Variants in RUNX1T1 observed in about 807,000 individuals in gnomAD.
RUNX1T1 encodes the protein RUNX1 partner transcriptional co-repressor 1, also known as protein CBFA2T1.
In RUNX1T1, 4 loss-of-function variants were observed where a neutral mutation model predicts 62.8. The ratio of observed to expected loss-of-function variants is 0.06; its 90% confidence interval spans 0.03 to 0.15. The LOEUF (loss-of-function observed/expected upper bound fraction) is 0.15, where lower values mean the gene tolerates loss of function less well. Ranked by LOEUF, RUNX1T1 falls within the 10% of genes least tolerant of loss-of-function variation. RUNX1T1 has a pLI of 1.00. For missense variants in RUNX1T1, 508 were observed against 754.3 expected (o/e 0.67, Z 3.82); for synonymous variants, 291 against 286.0 (o/e 1.02, Z -0.18).
At chr8:92,093,900 A>G (rs1421276169) in intron 1 of RUNX1T1, among the ~76,000 whole-genome samples, 1 of 152,174 alleles carries the variant, frequency 6.6e-6, no homozygotes, top group Non-Finnish European at 1.5e-5. Flanking sequence ...GTAACATCCA[A>G]TTCGGGGTAG....
At chr8:92,034,660 G>GCA (rs1826908780) in intron 1 of RUNX1T1, among the ~76,000 whole-genome samples, 1 of 114,912 alleles carries the variant, frequency 8.7e-6, no homozygotes, top group African/African-American at 4.0e-5. Flanking sequence ...AAAGAAAATG[G>GCA]CATATATATA....
At chr8:92,065,297 AAC>A, upstream of RUNX1T1, among the ~76,000 whole-genome samples, 1 of 152,260 alleles carries the variant, frequency 6.6e-6, no homozygotes, top group East Asian at 1.9e-4. Flanking sequence ...AATGGAGAAA[AAC>A]AATACATATT....
intron 1 of RUNX1T1, among the ~76,000 whole-genome samples, chr8:92,087,969 C>T (rs187344750): frequency 4.3e-4 from 66 of 152,304 alleles, no homozygotes; most frequent in African/African-American, 1.6e-3. Context: ...AACTGACCTA[C>T]CTACCTTTAT....
chr8:92,040,400 G>A (rs545874795), intron 1 of RUNX1T1, among the ~76,000 whole-genome samples: 5 of 152,058 alleles, frequency 3.3e-5, no homozygotes, highest in African/African-American at 9.7e-5. Flanking sequence ...AAAAGGCCGA[G>A]TCTACATCCT....
chr8:92,012,493 G>A (rs568922949), intron 3 of RUNX1T1, among the ~76,000 whole-genome samples: 84 of 152,066 alleles, frequency 5.5e-4, no homozygotes, highest in African/African-American at 1.9e-3. Context: ...GCACCGATGC[G>A]AATGCATTGG....
At chr8:92,102,718 T>A (rs955192071), upstream of RUNX1T1, 1 of 852,924 alleles carries the variant, frequency 1.2e-6, no homozygotes. The surrounding 1 kb of genome is among the most constrained non-coding windows in gnomAD (Gnocchi z 4.5). Context: ...CCTACCCTAA[T>A]TGAGCGACAA....
At chr8:92,069,948 C>G (rs1833434100) in intron 2 of RUNX1T1, among the ~76,000 whole-genome samples, 1 of 152,164 alleles carries the variant, frequency 6.6e-6, no homozygotes, top group African/African-American at 2.4e-5. Flanking sequence ...TAAATTGACA[C>G]AAGTCCACAA....
At chr8:91,991,843 G>C in exon 6 of RUNX1T1, 1 of 1,614,134 alleles carries the variant, frequency 6.2e-7, no homozygotes, top group Non-Finnish European at 8.5e-7. Flanking sequence ...CGCTTGCTTG[G>C]ATGTTCTGAG....
At chr8:91,956,271 C>A (rs531910503), downstream of RUNX1T1, 46 of 232,040 alleles carry the variant, frequency 2.0e-4, no homozygotes, top group African/African-American at 9.2e-4. Flanking sequence ...TCTTCCTACT[C>A]CTCCTGCCTG....
At position 91,960,620 on chromosome 8, in the gene RUNX1T1, C is replaced by T; in HGVS notation, c.1459-103G>A. On this transcript the variant is annotated intron_variant, in intron 10 of 10. Coordinates refer to ENST00000396218, the Ensembl canonical transcript of RUNX1T1. ...ATCACTGTAGCCTTATTTTCAAGAA[C>T]TATACAGTCAGGATGAAAAATCCAG... is the stretch of plus-strand genomic sequence containing the variant. The T allele has an allele frequency of 6.4e-6, 8 of 1,251,634 alleles. No homozygotes were observed. In the South Asian group the frequency reaches 1.1e-4, roughly 17 times the overall value. 77.5% of individuals were successfully genotyped at this position (1,251,634 alleles called of 1,614,324 possible).
intron 1 of RUNX1T1, among the ~76,000 whole-genome samples, chr8:92,093,845 C>G (rs147995166): frequency 6.6e-6 from 1 of 152,312 alleles, no homozygotes; most frequent in East Asian, 1.9e-4. Flanking sequence ...AGATCTATGG[C>G]TAGCATGCTT....
chr8:92,064,068 G>A (rs1042135688), upstream of RUNX1T1, among the ~76,000 whole-genome samples: 2 of 152,078 alleles, frequency 1.3e-5, no homozygotes, highest in Non-Finnish European at 2.9e-5. Context: ...AAAAATTTCT[G>A]AAAACAGAGG....
intron 1 of RUNX1T1, among the ~76,000 whole-genome samples, chr8:92,050,248 T>C (rs190615068): frequency 6.6e-6 from 1 of 152,208 alleles, no homozygotes; most frequent in African/African-American, 2.4e-5. Context: ...TTGAGTATTT[T>C]TTCTTAAATA....
At chr8:92,084,348 C>A (rs1587549026) in intron 1 of RUNX1T1, among the ~76,000 whole-genome samples, 3 of 151,484 alleles carry the variant, frequency 2.0e-5, no homozygotes, top group Admixed American at 2.0e-4. Flanking sequence ...TTTTAGTTGC[C>A]AAAACTTATA....
At chr8:92,026,869 G>A (rs1283178682) in intron 1 of RUNX1T1, among the ~76,000 whole-genome samples, 1 of 150,776 alleles carries the variant, frequency 6.6e-6, no homozygotes, top group East Asian at 2.0e-4. Context: ...TGTAATCCCA[G>A]CACTTTGGGA....
chr8:91,963,384 G>T (rs923942404), intron 10 of RUNX1T1, among the ~76,000 whole-genome samples: 1 of 152,184 alleles, frequency 6.6e-6, no homozygotes, highest in African/African-American at 2.4e-5. Flanking sequence ...TCTTGACATT[G>T]CATTGCAGTG....
At chr8:92,066,861 A>G (rs2130676649), upstream of RUNX1T1, among the ~76,000 whole-genome samples, 1 of 152,366 alleles carries the variant, frequency 6.6e-6, no homozygotes, top group African/African-American at 2.4e-5. Flanking sequence ...AGTTCATTGA[A>G]GTATTCCATC....
At chr8:92,062,866 C>A in exon 1 of RUNX1T1, 1 of 1,387,026 alleles carries the variant, frequency 7.2e-7, no homozygotes, top group Non-Finnish European at 9.4e-7. Flanking sequence ...AACCCCTACC[C>A]TCCCCTTAGC....
chr8:92,026,683 C>T (rs1416145924), intron 1 of RUNX1T1, among the ~76,000 whole-genome samples: 2 of 150,536 alleles, frequency 1.3e-5, no homozygotes, highest in African/African-American at 2.4e-5. Context: ...TTAGCCTGGC[C>T]TGGTGGCGGG....
Sources: allele counts gnomAD v4.1 joint callset (sites outside exome capture counted in the v4.1 genomes callset), GRCh38; gene constraint gnomAD v4.1.1; non-coding constraint Gnocchi (gnomAD v3.1); transcripts MANE v1.5; gene names NCBI Gene and HGNC (gene_info 2026-07-23, HGNC 2026-07-21).